The following KLF12 variants were observed in gnomAD, a reference collection of about 807,000 sequenced individuals.
KLF12 encodes the protein Krueppel-like factor 12.
In KLF12, 9 loss-of-function variants were observed where a neutral mutation model predicts 37.8. The ratio of observed to expected loss-of-function variants is 0.24; its 90% CI spans 0.14 to 0.42. The LOEUF (loss-of-function observed/expected upper bound fraction) is 0.42, where lower values mean the gene tolerates loss of function less well. Ranked by LOEUF, KLF12 falls within the 10% of genes least tolerant of loss-of-function variation. KLF12 has a pLI of 1.00. For missense variants in KLF12, 411 were observed against 516.0 expected (o/e 0.80, Z 1.97); for synonymous variants, 208 against 202.1 (o/e 1.03, Z -0.25).
intron 1 of KLF12, among the ~76,000 whole-genome samples, chr13:74,069,088 A>ATTGGG (rs1368801851): frequency 5.9e-5 from 9 of 152,344 alleles, no homozygotes; most frequent in African/African-American, 2.2e-4. Flanking sequence ...CAGACATGCT[A>ATTGGG]ACAAACAGTA....
At chr13:74,138,523 A>C (rs1878621569), upstream of KLF12, among the ~76,000 whole-genome samples, 1 of 152,240 alleles carries the variant, frequency 6.6e-6, no homozygotes, top group Non-Finnish European at 1.5e-5. Flanking sequence ...TTGGTAAACA[A>C]CATGTTTTGA....
At chr13:74,182,824 G>T in the KLF12 span, among the ~76,000 whole-genome samples, 1 of 152,044 alleles carries the variant, frequency 6.6e-6, no homozygotes, top group African/African-American at 2.4e-5. Flanking sequence ...GGAAATGCTT[G>T]GTTAAATACT....
At chr13:74,032,515 A>G (rs1429713056) in intron 1 of KLF12, among the ~76,000 whole-genome samples, 2 of 152,154 alleles carry the variant, frequency 1.3e-5, no homozygotes, top group Admixed American at 1.3e-4. Flanking sequence ...TGCCTACAGA[A>G]CGTGTTCTAC....
At chr13:74,159,690 T>TA in the KLF12 span, among the ~76,000 whole-genome samples, 1 of 152,198 alleles carries the variant, frequency 6.6e-6, no homozygotes, top group Admixed American at 6.5e-5. Context: ...GTCTCTGCTC[T>TA]AAAATTTTTT....
the KLF12 span, among the ~76,000 whole-genome samples, chr13:74,141,066 C>CA: frequency 2.3e-3 from 336 of 144,272 alleles, 1 homozygote; most frequent in Admixed American, 3.4e-3. Context: ...CTGTCTCAAA[C>CA]AAAAAAAAAA....
At chr13:74,267,667 C>T in the KLF12 span, among the ~76,000 whole-genome samples, 1 of 152,042 alleles carries the variant, frequency 6.6e-6, no homozygotes, top group Non-Finnish European at 1.5e-5. Context: ...AGTGTTAGCA[C>T]AGTCAGGTGA....
At chr13:74,078,493 A>G (rs1874695037) in intron 1 of KLF12, among the ~76,000 whole-genome samples, 1 of 152,232 alleles carries the variant, frequency 6.6e-6, no homozygotes, top group South Asian at 2.1e-4. Context: ...ATGGCCATAC[A>G]TTTAACACTG....
the KLF12 span, among the ~76,000 whole-genome samples, chr13:74,303,064 G>T: frequency 6.6e-6 from 1 of 152,012 alleles, no homozygotes; most frequent in Non-Finnish European, 1.5e-5. Flanking sequence ...TGTTATACCA[G>T]GACAAGAGGC....
At chr13:74,238,918 G>A in the KLF12 span, among the ~76,000 whole-genome samples, 6 of 150,156 alleles carry the variant, frequency 4.0e-5, no homozygotes, top group African/African-American at 1.5e-4. Context: ...TTTTTTGAAG[G>A]GTTTTTTGTG....
chr13:74,129,549 G>A (rs1189515086), intron 1 of KLF12, among the ~76,000 whole-genome samples: 1 of 152,148 alleles, frequency 6.6e-6, no homozygotes, highest in East Asian at 1.9e-4. Context: ...CTTCCATGCA[G>A]CAGTACAGCA....
At chr13:73,918,883 G>A (rs1202668647) in intron 3 of KLF12, among the ~76,000 whole-genome samples, 4 of 152,128 alleles carry the variant, frequency 2.6e-5, no homozygotes, top group African/African-American at 7.2e-5. Context: ...CTTAATTCCT[G>A]TTTTGAGTTG....
intron 3 of KLF12, among the ~76,000 whole-genome samples, chr13:73,861,924 G>T (rs1885947705): frequency 6.6e-6 from 1 of 152,070 alleles, no homozygotes; most frequent in African/African-American, 2.4e-5. Flanking sequence ...AAATTAACTT[G>T]AAGTGTTTAT....
At chr13:74,256,154 C>CAAAAAAAAAAAAAAAAAAA in the KLF12 span, among the ~76,000 whole-genome samples, 1 of 75,620 alleles carries the variant, frequency 1.3e-5, no homozygotes, top group Non-Finnish European at 2.9e-5. Flanking sequence ...GACTCTGTCT[C>CAAAAAAAAAAAAAAAAAAA]AAAAAAAAAA....
the KLF12 span, among the ~76,000 whole-genome samples, chr13:74,166,144 G>T: frequency 6.9e-6 from 1 of 144,072 alleles, no homozygotes; most frequent in African/African-American, 2.6e-5. Flanking sequence ...CCAAGGTGGA[G>T]AGCAGTGGCG....
At chr13:73,697,791 A>C (rs1874254008) in intron 7 of KLF12, among the ~76,000 whole-genome samples, 1 of 152,174 alleles carries the variant, frequency 6.6e-6, no homozygotes, top group Admixed American at 6.5e-5. Flanking sequence ...TTTCATCTTC[A>C]CTGGAGATGA....
intron 3 of KLF12, among the ~76,000 whole-genome samples, chr13:73,873,148 A>C (rs868837513): frequency 1.3e-5 from 2 of 151,700 alleles, no homozygotes; most frequent in South Asian, 4.2e-4. Flanking sequence ...TATATATATA[A>C]ACAACATAAT....
At chr13:73,831,813 A>G (rs1487590853) in intron 4 of KLF12, among the ~76,000 whole-genome samples, 1 of 152,186 alleles carries the variant, frequency 6.6e-6, no homozygotes, top group African/African-American at 2.4e-5. Flanking sequence ...CAGTAGATCT[A>G]TTTTCTTTCA....
chr13:74,228,951 A>G, the KLF12 span, among the ~76,000 whole-genome samples: 1 of 152,144 alleles, frequency 6.6e-6, no homozygotes, highest in Non-Finnish European at 1.5e-5. Context: ...TGTTAATACC[A>G]TTGGAATCTA....
At chr13:73,949,852 T>C (rs1232225655) in intron 2 of KLF12, among the ~76,000 whole-genome samples, 4 of 152,214 alleles carry the variant, frequency 2.6e-5, no homozygotes, top group Non-Finnish European at 5.9e-5. Context: ...TTACATTCTT[T>C]TGCATCTTAG....
Sources: gnomAD v4.1 joint callset for allele counts (sites outside exome capture counted in the v4.1 genomes callset) on GRCh38, gnomAD v4.1.1 for gene constraint, MANE v1.5 for transcripts, NCBI Gene and HGNC (gene_info 2026-07-23, HGNC 2026-07-21) for gene names.